Variants in WWOX observed in about 807,000 individuals in gnomAD.
WWOX encodes WW domain containing oxidoreductase, also known as WW domain-containing oxidoreductase.
In WWOX, 69 loss-of-function variants were observed where a neutral mutation model predicts 46.2. The ratio of observed to expected loss-of-function variants is 1.49; its 90% CI spans 1.23 to 1.82. The LOEUF (loss-of-function observed/expected upper bound fraction) is 1.82, where lower values mean the gene tolerates loss of function less well. Ranked by LOEUF, WWOX falls within the 40% of genes most tolerant of loss-of-function variation. WWOX has a pLI of 0.00. For missense variants in WWOX, 919 were observed against 542.6 expected (o/e 1.69, Z -6.89); for synonymous variants, 359 against 202.6 (o/e 1.77, Z -6.56).
At chr16:79,208,799 C>T (rs1393229564) in intron 8 of WWOX, among the ~76,000 whole-genome samples, 1 of 152,162 alleles carries the variant, frequency 6.6e-6, no homozygotes, top group Non-Finnish European at 1.5e-5. Flanking sequence ...CACATCTGAT[C>T]ATATTAAGAT....
chr16:79,055,462 G>A (rs1027110851), intron 8 of WWOX, among the ~76,000 whole-genome samples: 1 of 152,134 alleles, frequency 6.6e-6, no homozygotes, highest in African/African-American at 2.4e-5. Context: ...AGGAAGCCCA[G>A]CTAGCCATGT....
intron 6 of WWOX, among the ~76,000 whole-genome samples, chr16:78,395,289 C>A (rs1253110904): frequency 6.6e-6 from 1 of 152,178 alleles, no homozygotes; most frequent in Non-Finnish European, 1.5e-5. Flanking sequence ...GAGGCCAAGG[C>A]AGGCAGGTTG....
chr16:78,622,721 A>G (rs994723134), intron 8 of WWOX, among the ~76,000 whole-genome samples: 2 of 152,182 alleles, frequency 1.3e-5, no homozygotes, highest in Non-Finnish European at 2.9e-5. Context: ...TATGAAAAAG[A>G]TAATAGGATG....
At chr16:78,583,559 C>G (rs2045116572) in intron 8 of WWOX, among the ~76,000 whole-genome samples, 1 of 152,148 alleles carries the variant, frequency 6.6e-6, no homozygotes, top group East Asian at 1.9e-4. Flanking sequence ...GCAGCAATTC[C>G]TTGAGAGGAG....
chr16:78,161,673 A>G (rs376134807), intron 4 of WWOX, among the ~76,000 whole-genome samples: 2 of 152,134 alleles, frequency 1.3e-5, no homozygotes, highest in Non-Finnish European at 2.9e-5. Context: ...CAAGCTGGTC[A>G]CAAGTGATCC....
At chr16:78,157,548 A>T (rs1597282945) in intron 4 of WWOX, among the ~76,000 whole-genome samples, 1 of 152,338 alleles carries the variant, frequency 6.6e-6, no homozygotes, top group Non-Finnish European at 1.5e-5. Context: ...TAAATACTTC[A>T]GGTTTGAAAT....
At chr16:78,714,531 A>G (rs1430295882) in intron 8 of WWOX, among the ~76,000 whole-genome samples, 2 of 151,984 alleles carry the variant, frequency 1.3e-5, no homozygotes, top group Non-Finnish European at 2.9e-5. Flanking sequence ...GGGGACACAG[A>G]CACACCATAT....
chr16:78,863,599 C>T (rs981797472), intron 8 of WWOX, among the ~76,000 whole-genome samples: 1 of 152,132 alleles, frequency 6.6e-6, no homozygotes, highest in East Asian at 1.9e-4. Flanking sequence ...GTGAATCTCC[C>T]AACCATAAGC....
At chr16:78,939,801 C>T (rs897059574) in intron 8 of WWOX, among the ~76,000 whole-genome samples, 6 of 152,194 alleles carry the variant, frequency 3.9e-5, no homozygotes, top group Non-Finnish European at 7.3e-5. Flanking sequence ...CCCTTTTAGC[C>T]TGCCTCCCTT....
intron 8 of WWOX, among the ~76,000 whole-genome samples, chr16:78,763,717 C>T (rs1025873676): frequency 6.6e-6 from 1 of 152,178 alleles, no homozygotes; most frequent in Non-Finnish European, 1.5e-5. Flanking sequence ...ATTTGGTATT[C>T]ACGAGTTTTG....
intron 8 of WWOX, among the ~76,000 whole-genome samples, chr16:78,998,159 G>C (rs1463059448): frequency 2.0e-5 from 3 of 152,194 alleles, no homozygotes; most frequent in Non-Finnish European, 2.9e-5. Context: ...TTACAGGCAT[G>C]AGCCATCGCG....
chr16:78,810,432 A>G (rs1369602551), intron 8 of WWOX, among the ~76,000 whole-genome samples: 4 of 152,230 alleles, frequency 2.6e-5, no homozygotes, highest in Non-Finnish European at 5.9e-5. Context: ...CATATAAGCT[A>G]TCAAATATTA....
intron 8 of WWOX, among the ~76,000 whole-genome samples, chr16:79,068,062 C>G (rs1035544631): frequency 7.0e-6 from 1 of 142,196 alleles, no homozygotes; most frequent in South Asian, 2.3e-4. Flanking sequence ...GGGCTATTAG[C>G]TGCATGTACA....
chr16:78,682,405 C>T (rs945698306), intron 8 of WWOX, among the ~76,000 whole-genome samples: 2 of 152,086 alleles, frequency 1.3e-5, no homozygotes, highest in Non-Finnish European at 2.9e-5. Context: ...GTAGTTGGCA[C>T]CAGTCTTCAA....
chr16:78,524,314 G>A (rs1299405819), intron 8 of WWOX, among the ~76,000 whole-genome samples: 2 of 152,142 alleles, frequency 1.3e-5, no homozygotes, highest in Non-Finnish European at 2.9e-5. Context: ...TGTTGTTACT[G>A]CTGTAAGCCA....
At chr16:78,840,313 T>C (rs896874950) in intron 8 of WWOX, among the ~76,000 whole-genome samples, 3 of 152,208 alleles carry the variant, frequency 2.0e-5, no homozygotes, top group African/African-American at 7.2e-5. Flanking sequence ...TGTTCTAGTT[T>C]TGAAGAGCGA....
At chr16:78,414,309 G>C (rs1399899968) in intron 6 of WWOX, among the ~76,000 whole-genome samples, 1 of 152,112 alleles carries the variant, frequency 6.6e-6, no homozygotes, top group Non-Finnish European at 1.5e-5. Flanking sequence ...CTGTTTGGTG[G>C]TCTCTTCACA....
intron 8 of WWOX, among the ~76,000 whole-genome samples, chr16:78,704,323 A>C (rs562968445): frequency 7.9e-5 from 12 of 152,192 alleles, no homozygotes; most frequent in African/African-American, 2.6e-4. Flanking sequence ...GAAACTTAAG[A>C]TGTCAGCACA....
At chr16:78,236,006 C>T (rs1009801550) in intron 5 of WWOX, among the ~76,000 whole-genome samples, 6 of 152,170 alleles carry the variant, frequency 3.9e-5, no homozygotes, top group Admixed American at 2.6e-4. Context: ...TCTCCTGTTA[C>T]AGCAGGAAAG....
Sources: allele counts gnomAD v4.1 joint callset (sites outside exome capture counted in the v4.1 genomes callset), GRCh38; gene constraint gnomAD v4.1.1; transcripts MANE v1.5; gene names NCBI Gene and HGNC (gene_info 2026-07-23, HGNC 2026-07-21).